LYAR: variants seen among roughly 807,000 people sequenced by gnomAD.
The protein encoded by LYAR is Ly1 antibody reactive.
LYAR carries 37 observed loss-of-function variants against 45.2 expected under a neutral mutation model. The ratio of observed to expected loss-of-function variants is 0.82; its 90% CI spans 0.63 to 1.08. The LOEUF (loss-of-function observed/expected upper bound fraction) is 1.08, where lower values mean the gene tolerates loss of function less well. Among genes scored for constraint, LYAR ranks in the 50% least tolerant of loss-of-function variants. The pLI is 0.00. For missense variants in LYAR, 493 were observed against 451.0 expected (o/e 1.09, Z -0.84); for synonymous variants, 176 against 155.1 (o/e 1.14, Z -1.00).
chr4:4,288,532 C>G (rs533127143), intron 1 of LYAR, among the ~76,000 whole-genome samples: 1 of 140,548 alleles, frequency 7.1e-6, no homozygotes, highest in Admixed American at 7.5e-5. Flanking sequence ...GTTGCCCAGG[C>G]TGGAGTACAA....
intron 8 of LYAR, among the ~76,000 whole-genome samples, chr4:4,272,743 T>C (rs774018782): frequency 6.6e-6 from 1 of 152,188 alleles, no homozygotes; most frequent in Non-Finnish European, 1.5e-5. Flanking sequence ...GGGACACTAC[T>C]GTTTACTAAG....
chr4:4,270,549 C>T (rs751385400), intron 8 of LYAR, among the ~76,000 whole-genome samples: 6 of 138,396 alleles, frequency 4.3e-5, no homozygotes, highest in Non-Finnish European at 9.5e-5. Flanking sequence ...AAAAAAAAAA[C>T]CCACAAAAAC....
chr4:4,268,417 A>G (rs980457460), intron 9 of LYAR, 113 bp downstream of exon 9: 4 of 738,438 alleles, frequency 5.4e-6, no homozygotes, highest in Non-Finnish European at 9.2e-6. Context: ...TCACTGAGAC[A>G]CACACACAGA....
intron 3 of LYAR, among the ~76,000 whole-genome samples, chr4:4,282,488 G>A (rs572637544): frequency 6.6e-6 from 1 of 152,272 alleles, no homozygotes; most frequent in East Asian, 1.9e-4. Context: ...TATATATCAA[G>A]CTTCCTCCTA....
intron 1 of LYAR, among the ~76,000 whole-genome samples, chr4:4,288,732 C>G (rs1387716071): frequency 1.3e-5 from 2 of 152,180 alleles, no homozygotes; most frequent in African/African-American, 2.4e-5. Flanking sequence ...GTGATCCACC[C>G]TCCTCGGCCT....
In LYAR at chr4:4,267,842, A is replaced by G. The variant is rs768473229; in HGVS notation, c.*47T>C. The stretch of plus-strand genomic sequence containing the variant: ...TTACACATTTTATAAACAGCAGTGA[A>G]AGGAAGAAGTCAGCAGAATGGATTC... On this transcript the variant is annotated 3_prime_UTR_variant, in exon 10 of 10. Coordinates refer to ENST00000343470, the MANE Select transcript of LYAR (RefSeq NM_017816.3). 1 of 1,474,072 alleles carries G rather than the reference A, an allele frequency of 6.8e-7. No homozygotes were observed. Among genetic ancestry groups the G allele is most frequent in the African/African-American group, 1.4e-5 (1 of 70,160 alleles). The allele number at this position is 1,474,072 out of a possible 1,614,324, so 91.3% of individuals were successfully genotyped here.
Position 4,279,560 on chromosome 4 carries a change from T to G in LYAR, c.346-30A>C, listed in dbSNP as rs774523537. On this transcript the variant is annotated intron_variant, in intron 5 of 9. Transcript: ENST00000343470. ...AAGAAAGAAAAAGAAAAAGAACTAT[T>G]GATCCCACTTGGACAGGTACACACA... The G allele has an allele frequency of 2.0e-5, 32 of 1,570,902 alleles. No individual in the cohort carries two copies. In the South Asian group the frequency reaches 3.4e-4, roughly 17 times the overall value.
chr4:4,284,918 C>T (rs987762534), intron 2 of LYAR, among the ~76,000 whole-genome samples: 6 of 152,294 alleles, frequency 3.9e-5, no homozygotes, highest in Non-Finnish European at 8.8e-5. Flanking sequence ...ATGATCTACC[C>T]TTGGTTTGCA....
rs1390571064 is a variant in LYAR, at chr4:4,274,784, A to C, written c.430-15T>G. ...TTGACTGGTTCCTTATCATTAAGCA[A>C]AAGCAAGAAACACATATTCATTTTA... On this transcript the variant is annotated splice_polypyrimidine_tract_variant and intron_variant, in intron 6 of 9. Transcript: ENST00000343470. 2 of 1,576,852 alleles carry C rather than the reference A, an allele frequency of 1.3e-6. No individual in the cohort carries two copies. Among genetic ancestry groups the C allele is most frequent in the African/African-American group, 2.8e-5 (2 of 72,462 alleles).
At position 4,273,940 on chromosome 4, in the gene LYAR, C is replaced by T. The variant is rs544940443; in HGVS notation, c.833-271G>A. On this transcript the variant is annotated intron_variant, in intron 7 of 9. Transcript: ENST00000343470. ...CTTATGCTCGTTCCCTTACTTGGTT[C>T]AAAACATAAGGTCTAGCTAGGTGCG... Among the ~76,000 whole-genome samples the T allele has an allele frequency of 1.4e-4, 21 of 152,190 alleles. No individual in the cohort carries two copies. In the South Asian group the frequency reaches 4.4e-3, roughly 32 times the overall value.
intron 8 of LYAR, among the ~76,000 whole-genome samples, chr4:4,270,625 G>A (rs1418742196): frequency 6.7e-6 from 1 of 150,160 alleles, no homozygotes; most frequent in Non-Finnish European, 1.5e-5. Context: ...AAAAAAGAGA[G>A]CAGACATTTC....
At chr4:4,281,467 C>T (rs2108848059) in intron 4 of LYAR, among the ~76,000 whole-genome samples, 1 of 148,738 alleles carries the variant, frequency 6.7e-6, no homozygotes, top group South Asian at 2.2e-4. Context: ...TTACAGGCAC[C>T]CGCCACTATG....
intron 8 of LYAR, chr4:4,268,975 A>T (rs1718822747): frequency 1.2e-5 from 2 of 170,506 alleles, no homozygotes; most frequent in Admixed American, 1.2e-4. Flanking sequence ...CTGAAATGAG[A>T]GAGAGGACAA....
chr4:4,278,672 A>G (rs1031361257), intron 6 of LYAR, among the ~76,000 whole-genome samples: 1 of 152,172 alleles, frequency 6.6e-6, no homozygotes, highest in African/African-American at 2.4e-5. Flanking sequence ...TTTTTTGTTC[A>G]GGTCCTGGCA....
At chr4:4,285,861 A>C (rs903633595) in intron 2 of LYAR, among the ~76,000 whole-genome samples, 3 of 152,222 alleles carry the variant, frequency 2.0e-5, no homozygotes, top group African/African-American at 7.2e-5. Flanking sequence ...GAAACAAAAT[A>C]TATTGACTGA....
chr4:4,279,123 G>A (rs972515569), intron 6 of LYAR, among the ~76,000 whole-genome samples: 1 of 151,870 alleles, frequency 6.6e-6, no homozygotes, highest in Non-Finnish European at 1.5e-5. Context: ...TCAGGAATTC[G>A]AGACCAGCCT....
intron 8 of LYAR, among the ~76,000 whole-genome samples, chr4:4,271,719 C>G (rs1718944253): frequency 6.6e-6 from 1 of 152,190 alleles, no homozygotes; most frequent in Non-Finnish European, 1.5e-5. Flanking sequence ...GAATATGCAA[C>G]TACTGTATGA....
chr4:4,274,296 G>A, intron 7 of LYAR, 71 bp downstream of exon 7: 1 of 1,522,170 alleles, frequency 6.6e-7, no homozygotes, highest in Non-Finnish European at 8.9e-7. Flanking sequence ...AGGTCTAACA[G>A]GCTTAAATAT....
chr4:4,281,711 T>G (rs146364673), intron 4 of LYAR, 72 bp downstream of exon 4: 5 of 1,102,138 alleles, frequency 4.5e-6, no homozygotes, highest in Non-Finnish European at 5.6e-6. Flanking sequence ...ACATTTACTC[T>G]TAGTCTCTTG....
Sources: allele counts gnomAD v4.1 joint callset (sites outside exome capture counted in the v4.1 genomes callset), GRCh38; gene constraint gnomAD v4.1.1; transcripts MANE v1.5; gene names NCBI Gene and HGNC (gene_info 2026-07-23, HGNC 2026-07-21).